Variants in AHNAK observed in about 807,000 individuals in gnomAD.
AHNAK encodes the protein neuroblast differentiation-associated protein AHNAK.
Under a neutral mutation model 37.8 loss-of-function variants are expected in AHNAK, and 23 were observed. That is an observed-to-expected ratio of 0.61 (90% confidence interval 0.44 to 0.86). The LOEUF (loss-of-function observed/expected upper bound fraction) is 0.86, where lower values mean the gene tolerates loss of function less well. Among genes scored for constraint, AHNAK ranks in the 40% least tolerant of loss-of-function variants. The pLI, the probability that AHNAK is intolerant of heterozygous loss-of-function variation, is 0.00. For synonymous variants in AHNAK, 2,481 were observed against 2,636.3 expected (o/e 0.94, Z 1.80); for missense variants, 7,411 against 7,319.4 (o/e 1.01, Z -0.46).
chr11:62,526,063 T>A lies in AHNAK; in HGVS notation c.8354A>T (p.Asp2785Val). The A allele has an allele frequency of 6.2e-7, 1 of 1,613,440 alleles. No individual in the cohort carries two copies. The highest frequency in any genetic ancestry group is 8.5e-7 in the Non-Finnish European group (1 of 1,179,900). ...SMPGFKGEGP[D>V]VDVNLPKADI... ...AGCCTTGGGCAGGTTCACGTCCACA[T>A]CTGGACCTTCTCCTTTGAAGCCAGG... Residue 2785 changes from aspartate to valine, a missense_variant, in exon 5 of 5, where the codon GAT becomes GTT. Coordinates refer to ENST00000378024, the MANE Select transcript of AHNAK (RefSeq NM_001620.3).
At chr11:62,498,186 G>T (rs1048121186) in intron 4 of AHNAK, among the ~76,000 whole-genome samples, 2 of 152,216 alleles carry the variant, frequency 1.3e-5, no homozygotes, top group Admixed American at 1.3e-4. Flanking sequence ...TTTTGTTGTT[G>T]TGGTTGTTGT....
chr11:62,439,074 C>T (rs1938241745), intron 5 of AHNAK, among the ~76,000 whole-genome samples: 1 of 149,994 alleles, frequency 6.7e-6, no homozygotes, highest in African/African-American at 2.4e-5. Context: ...GACACCCATC[C>T]CTCTCAGTTT....
At chr11:62,442,512 C>T (rs565557847) in intron 5 of AHNAK, among the ~76,000 whole-genome samples, 2 of 152,232 alleles carry the variant, frequency 1.3e-5, no homozygotes, top group African/African-American at 4.8e-5. Context: ...TGTGCCACTG[C>T]ACTCCAGCCT....
At chr11:62,536,377 G>GA in intron 2 of AHNAK, 92 bp downstream of exon 2, 1 of 346,964 alleles carries the variant, frequency 2.9e-6, no homozygotes. Flanking sequence ...CTTCATCCCT[G>GA]TCCCCCACGG....
chr11:62,482,205 C>G (rs987067908), intron 5 of AHNAK, among the ~76,000 whole-genome samples: 1 of 152,074 alleles, frequency 6.6e-6, no homozygotes, highest in African/African-American at 2.4e-5. Context: ...ACTTGAGGCC[C>G]GGAGTTCGAG....
Position 62,532,717 on chromosome 11 carries a change from C to G in AHNAK, c.1700G>C (p.Cys567Ser). ...GTCTACTTCTGACATAGAGATCCTACAGGTTCCGGTTTTCCCGGAAGGACT... is the reference window on the plus strand; with the variant it reads ...GTCTACTTCTGACATAGAGATCCTAGAGGTTCCGGTTTTCCCGGAAGGACT... The part of the protein sequence containing the change: ...LGSPSGKTGT[C>S]RISMSEVDLN... Residue 567 changes from cysteine (C) to serine (S), a missense_variant, in exon 5 of 5, where the codon TGT becomes TCT. Cys to Ser is a moderately radical substitution (Grantham distance 112, BLOSUM62 -1). Transcript: ENST00000378024. 1 of 1,613,952 alleles carries G rather than the reference C, an allele frequency of 6.2e-7. No individual in the cohort carries two copies. The highest frequency in any genetic ancestry group is 8.5e-7 in the Non-Finnish European group (1 of 1,179,982).
intron 5 of AHNAK, among the ~76,000 whole-genome samples, chr11:62,435,790 C>T (rs142241724): frequency 0.015 from 2,304 of 152,260 alleles, 55 homozygotes; most frequent in African/African-American, 0.052. Flanking sequence ...TCAAGCAATC[C>T]TCCTGCCTTG....
chr11:62,435,482 C>T (rs907466404), intron 5 of AHNAK, among the ~76,000 whole-genome samples: 2 of 152,162 alleles, frequency 1.3e-5, no homozygotes, highest in South Asian at 2.1e-4. Flanking sequence ...GCGATCTTGG[C>T]TCACTGCAGG....
At position 62,519,185 on chromosome 11, in the gene AHNAK, G is replaced by C. The variant is rs755829620; in HGVS notation, c.15232C>G (p.Pro5078Ala). The C allele has an allele frequency of 6.2e-7, 1 of 1,613,306 alleles. No homozygotes were observed. The highest frequency in any genetic ancestry group is 8.5e-7 in the Non-Finnish European group (1 of 1,179,724). The part of the protein sequence containing the change: ...DAALKVDVKS[P>A]KTKKTMFGKM... ...CCAAACATCGTTTTCTTGGTTTTGG[G>C]CGATTTCACGTCGACTTTGAGTGCA... The change falls in exon 5 of 5, where the codon CCC (proline) becomes GCC (alanine). Residue 5078 changes from proline (P) to alanine (A), a missense_variant. Transcript: ENST00000378024.
At chr11:62,455,629 T>A (rs190048667) in intron 5 of AHNAK, among the ~76,000 whole-genome samples, 26 of 152,082 alleles carry the variant, frequency 1.7e-4, no homozygotes, top group Middle Eastern at 3.4e-3. Context: ...CACTTGAACC[T>A]GGGAGGTGGA....
chr11:62,518,317 C>A lies in AHNAK; in HGVS notation c.16100G>T (p.Gly5367Val). ...NVGAPDVTLRGPSLQGDLAVS... is the reference protein window; with the variant it reads ...NVGAPDVTLRVPSLQGDLAVS... Reference sequence around the variant, plus strand: ...AGCCAGATCTCCCTGCAGGCTTGGTCCCCTCAGTGTCACATCTGGTGCCCC... The same window carrying A: ...AGCCAGATCTCCCTGCAGGCTTGGTACCCTCAGTGTCACATCTGGTGCCCC... Residue 5367 changes from glycine (G) to valine (V), a missense_variant, in exon 5 of 5, where the codon GGA (glycine) becomes GTA (valine). By Grantham distance (109) the Gly-to-Val change is moderately radical (BLOSUM62 -3). Transcript: ENST00000378024. The A allele has an allele frequency of 5.6e-6, 9 of 1,614,140 alleles. No individual in the cohort carries two copies. The highest frequency in any genetic ancestry group is 7.6e-6 in the Non-Finnish European group (9 of 1,180,016).
chr11:62,490,164 G>A (rs978046159), intron 5 of AHNAK, among the ~76,000 whole-genome samples: 4 of 151,744 alleles, frequency 2.6e-5, no homozygotes, highest in African/African-American at 4.8e-5. Context: ...AGAGGGGTTC[G>A]GGCTTGAGGG....
chr11:62,497,602 G>T (rs1026889976), intron 4 of AHNAK, among the ~76,000 whole-genome samples: 11 of 152,122 alleles, frequency 7.2e-5, no homozygotes, highest in Admixed American at 3.3e-4. Context: ...TATGTTACTA[G>T]TGTGAATCAC....
rs186834724 is a variant in AHNAK at position 62,504,943 on chromosome 11, A to G, written c.343-13112T>C. Among the ~76,000 whole-genome samples, 16 of 152,296 alleles carry G rather than the reference A, an allele frequency of 1.1e-4. No individual in the cohort carries two copies. The East Asian group carries it at 2.3e-3, about 22-fold the overall frequency. The stretch of plus-strand genomic sequence containing the variant: ...TAACCACGTGAGAGACCCATCCCTC[A>G]GGGTCTAAAAGCTCTCTTTTTAAAT... On this transcript the variant is annotated intron_variant, in intron 4 of 5. Transcript: ENST00000257247.
chr11:62,520,776 A>C lies in AHNAK; in HGVS notation c.13641T>G (p.Asp4547Glu). 1 of 1,613,938 alleles carries C rather than the reference A, an allele frequency of 6.2e-7. No homozygotes were observed. Among genetic ancestry groups the C allele is most frequent in the Non-Finnish European group, 8.5e-7 (1 of 1,179,968 alleles). ...MDISVPKLEG[D>E]LKGPKVDVKG... ...TGACATCCACTTTGGGACCTTTCAG[A>C]TCTCCCTCCAGTTTAGGAACGGAAA... Residue 4547 changes from aspartate (D) to glutamate (E), a missense_variant, in exon 5 of 5, where the codon GAT becomes GAG. Transcript: ENST00000378024.
intron 4 of AHNAK, among the ~76,000 whole-genome samples, chr11:62,504,579 G>T (rs754917752): frequency 6.6e-6 from 1 of 151,892 alleles, no homozygotes; most frequent in African/African-American, 2.4e-5. Context: ...CCTCCCCACC[G>T]CCTGGCCACC....
At chr11:62,495,721 G>A (rs1217587549) in intron 4 of AHNAK, among the ~76,000 whole-genome samples, 1 of 143,838 alleles carries the variant, frequency 7.0e-6, no homozygotes, top group Non-Finnish European at 1.5e-5. Context: ...CATGGGGACA[G>A]AGCGAGACTC....
chr11:62,486,422 A>C (rs976139225), intron 5 of AHNAK, among the ~76,000 whole-genome samples: 3 of 152,080 alleles, frequency 2.0e-5, no homozygotes, highest in East Asian at 3.9e-4. Context: ...GCGGTGAGCC[A>C]AGATTGTGCC....
At position 62,529,477 on chromosome 11, in the gene AHNAK, T is replaced by A. The variant is rs149295831; in HGVS notation, c.4940A>T (p.His1647Leu). The change falls in exon 5 of 5, where the codon CAT becomes CTT. Residue 1647 changes from histidine (H) to leucine (L), a missense_variant. Physicochemically the swap from His to Leu is moderately conservative, Grantham distance 99 (BLOSUM62 -3). Transcript: ENST00000378024. ...CATGGAGATCTTGGGGGCCTTGAAA[T>A]GCATCTCAGGCATCTTAAACTTGGG... ...KGPKFKMPEM[H>L]FKAPKISMPD... is the part of the protein sequence containing the mutation. The A allele has an allele frequency of 6.2e-7, 1 of 1,614,162 alleles. No homozygotes were observed. Among genetic ancestry groups the A allele is most frequent in the Non-Finnish European group, 8.5e-7 (1 of 1,180,032 alleles).
Sources: gnomAD v4.1 joint callset for allele counts (sites outside exome capture counted in the v4.1 genomes callset) on GRCh38, gnomAD v4.1.1 for gene constraint, MANE v1.5 for transcripts, NCBI Gene and HGNC (gene_info 2026-07-23, HGNC 2026-07-21) for gene names.